The following PSMD3 variants were observed in gnomAD, a reference collection of about 807,000 sequenced individuals.
PSMD3 encodes the protein 26S proteasome non-ATPase regulatory subunit 3.
A neutral mutation model predicts 62.8 loss-of-function variants in PSMD3; 5 were observed. The ratio of observed to expected loss-of-function variants is 0.08; its 90% CI spans 0.04 to 0.17. The LOEUF (loss-of-function observed/expected upper bound fraction) is 0.17, where lower values mean the gene tolerates loss of function less well. PSMD3 is among the 10% of genes least tolerant of loss of function. PSMD3 has a pLI of 1.00. For missense variants in PSMD3, 524 were observed against 713.6 expected, an observed-to-expected ratio of 0.73 and a Z score of 3.03; for synonymous variants, 265 against 283.9, an observed-to-expected ratio of 0.93 and a Z score of 0.67.
intron 1 of PSMD3, 120 bp downstream of exon 1, chr17:39,981,310 C>T (rs1295472821): frequency 3.4e-6 from 5 of 1,461,694 alleles, no homozygotes; most frequent in Non-Finnish European, 1.8e-6. Context: ...GGATCACCCC[C>T]AGATACCTGC....
chr17:39,981,187 G>A lies in PSMD3; in HGVS notation c.217G>A (p.Glu73Lys). 2 of 1,550,504 alleles carry A rather than the reference G, an allele frequency of 1.3e-6. No individual in the cohort carries two copies. The highest frequency in any genetic ancestry group is 1.7e-6 in the Non-Finnish European group (2 of 1,146,772). The stretch of plus-strand genomic sequence containing the variant: ...GCGAGAGCTGGACACAGTCACCTTG[G>A]AGGGTACGGCAGCCCAGGCCGGGAA... ...SQRELDTVTL[E>K]DIKEHVKQLE... The change falls in exon 1 of 12, where the codon GAG becomes AAG. Residue 73 changes from glutamate (E) to lysine (K), a missense_variant. Around this residue, in one of 4 missense-constraint regions of PSMD3, gnomAD observed 396 missense variants for 475.8 expected, o/e 0.83. Transcript: ENST00000264639.
At chr17:39,988,290 A>G (rs1206226134) in intron 3 of PSMD3, among the ~76,000 whole-genome samples, 4 of 152,008 alleles carry the variant, frequency 2.6e-5, no homozygotes, top group African/African-American at 9.7e-5. Flanking sequence ...TCTATTGAGG[A>G]TTTACTTACT....
At position 39,983,962 on chromosome 17, in the gene PSMD3, G is replaced by A. The variant is rs112118774; in HGVS notation, c.221-332G>A. ...CGCCTATAATCCCAGCACTTTGGGA[G>A]GCCAAGGCGGGCAGATCACGAGGTC... On this transcript the variant is annotated intron_variant, in intron 1 of 11. Coordinates refer to ENST00000264639, the MANE Select transcript of PSMD3 (RefSeq NM_002809.4). 5.0e-3 allele frequency among the ~76,000 whole-genome samples: 763 copies of A among 152,140 alleles called. 6 individuals are homozygous for A. The highest frequency in any genetic ancestry group is 0.017 in the African/African-American group (716 of 41,506).
At chr17:39,994,189 A>T (rs1269322106) in intron 6 of PSMD3, 1 of 152,272 alleles carries the variant, frequency 6.6e-6, no homozygotes, top group African/African-American at 2.4e-5. Context: ...TGGAGGGTGA[A>T]GGGTCTGCCT....
chr17:39,988,625 C>T, intron 3 of PSMD3, 58 bp from the exon 4 acceptor site: 1 of 1,590,802 alleles, frequency 6.3e-7, no homozygotes, highest in Non-Finnish European at 8.6e-7. Context: ...CAAATGACAA[C>T]TCCATGTTTA....
chr17:39,991,145 TTTTG>T (rs2144813327), intron 6 of PSMD3, among the ~76,000 whole-genome samples: 2 of 152,056 alleles, frequency 1.3e-5, no homozygotes, highest in East Asian at 3.9e-4. Flanking sequence ...CAACTAATTT[TTTTG>T]TTTGTTTTTT....
In PSMD3 at chr17:39,981,200, C is replaced by T. The variant is rs369752470; in HGVS notation, c.220+10C>T. 4 of 1,549,644 alleles carry T rather than the reference C, an allele frequency of 2.6e-6. No individual in the cohort carries two copies. Among genetic ancestry groups the T allele is most frequent in the African/African-American group, 2.7e-5 (2 of 72,940 alleles). On this transcript the variant is annotated intron_variant, in intron 1 of 11. Coordinates refer to ENST00000264639, the MANE Select transcript of PSMD3 (RefSeq NM_002809.4). Reference sequence around the variant, plus strand: ...ACAGTCACCTTGGAGGGTACGGCAGCCCAGGCCGGGAACGTGCCGCGATCG... The same window carrying T: ...ACAGTCACCTTGGAGGGTACGGCAGTCCAGGCCGGGAACGTGCCGCGATCG...
intron 1 of PSMD3, 23 bp from the exon 2 acceptor site, chr17:39,984,271 T>C (rs3816471): frequency 0.92 from 1,455,283 of 1,588,114 alleles, 667,849 homozygotes; most frequent in Middle Eastern, 0.95. Context: ...AGTGACATCA[T>C]TTTCTTCTCT....
rs1365326735 is a variant in PSMD3, at chr17:39,980,877, G to C, written c.-94G>C. The C allele has an allele frequency of 2.6e-6, 3 of 1,139,536 alleles. No individual in the cohort carries two copies. Among genetic ancestry groups the C allele is most frequent in the East Asian group, 2.8e-5 (1 of 35,568 alleles). 70.6% of individuals were successfully genotyped at this position (1,139,536 alleles called of 1,614,324 possible). A position where few individuals can be genotyped will look rare whatever the true frequency, so the allele number is the denominator to read the frequency against. ...TGCGGCCCGACGCTATCTCGCGCTCGTGTGCAGGCCCGGCTCGGCTCCTGG... is the reference window on the plus strand; with the variant it reads ...TGCGGCCCGACGCTATCTCGCGCTCCTGTGCAGGCCCGGCTCGGCTCCTGG... On this transcript the variant is annotated 5_prime_UTR_variant, in exon 1 of 12. Transcript: ENST00000264639.
Position 39,995,939 on chromosome 17 carries a change from C to T in PSMD3, c.1321-244C>T, listed in dbSNP as rs550871161. On this transcript the variant is annotated intron_variant, in intron 9 of 11. Coordinates refer to ENST00000264639, the MANE Select transcript of PSMD3 (RefSeq NM_002809.4). The surrounding 1 kb of genome is among the most constrained non-coding windows in gnomAD (Gnocchi z 4.1). ...TTTGAGACAAGCCTGGCCAACTTGGCGAAACCCCATCTCTACTGAAAATAC... is the reference window on the plus strand; with the variant it reads ...TTTGAGACAAGCCTGGCCAACTTGGTGAAACCCCATCTCTACTGAAAATAC... 4.7e-5 allele frequency: 24 copies of T among 512,356 alleles called. No individual in the cohort carries two copies. Among genetic ancestry groups the T allele is most frequent in the Non-Finnish European group, 7.3e-5 (21 of 286,414 alleles). 31.7% of individuals were successfully genotyped at this position (512,356 alleles called of 1,614,324 possible).
At chr17:39,983,115 C>T (rs1406422142) in intron 1 of PSMD3, among the ~76,000 whole-genome samples, 3 of 152,032 alleles carry the variant, frequency 2.0e-5, no homozygotes, top group Non-Finnish European at 2.9e-5. Context: ...TCACTGCAAC[C>T]TCTGCCTCCC....
chr17:39,993,753 G>A (rs1679479584), intron 6 of PSMD3: 1 of 152,266 alleles, frequency 6.6e-6, no homozygotes, highest in Admixed American at 6.5e-5. Context: ...TCCCTTGCCT[G>A]GGAAGCTTCC....
Position 39,996,807 on chromosome 17 carries a change from C to G in PSMD3, c.1476+469C>G. 1 of 463,534 alleles carries G rather than the reference C, an allele frequency of 2.2e-6. No homozygotes were observed. The highest frequency in any genetic ancestry group is 1.5e-5 in the South Asian group (1 of 64,586). 28.7% of individuals were successfully genotyped at this position (463,534 alleles called of 1,614,324 possible). On this transcript the variant is annotated intron_variant, in intron 10 of 11. Coordinates refer to ENST00000264639, the MANE Select transcript of PSMD3 (RefSeq NM_002809.4). This position sits in a 1 kb window ranked among gnomAD's most constrained non-coding sequence, Gnocchi z 5.1. Reference sequence around the variant, plus strand: ...CTCCACAAAAGGGTGAGCCCTTATCCTCAGTTAAGCACTGAGTTTGGCGCT... The same window carrying G: ...CTCCACAAAAGGGTGAGCCCTTATCGTCAGTTAAGCACTGAGTTTGGCGCT...
rs1226559137 is a variant in PSMD3 at position 39,981,126 on chromosome 17, C to T, written c.156C>T (p.Asp52=). ...ATGGGSTGEA[D]GKTAAAAAEH... ...GTGGCGGGTCGACGGGGGAGGCAGA[C>T]GGCAAGACGGCGGCGGCAGCGGCTG... The change falls in exon 1 of 12, where the codon GAC becomes GAT. Residue 52 remains aspartate, a synonymous_variant. Coordinates refer to ENST00000264639, the MANE Select transcript of PSMD3 (RefSeq NM_002809.4). 6.4e-7 allele frequency: 1 copy of T among 1,550,524 alleles called. No homozygotes were observed. Among genetic ancestry groups the T allele is most frequent in the South Asian group, 1.2e-5 (1 of 84,040 alleles).
chr17:39,996,138 A>G lies in PSMD3; in HGVS notation c.1321-45A>G, dbSNP rs763336100. 1.9e-6 allele frequency: 3 copies of G among 1,591,666 alleles called. No homozygotes were observed. The South Asian group carries it at 3.4e-5, about 18-fold the overall frequency. ...TCCATCTCAAAAAAAAAAAAAAAGAAGAAGCTGGGTGTGCTGGTGAACTTT... is the reference window on the plus strand; with the variant it reads ...TCCATCTCAAAAAAAAAAAAAAAGAGGAAGCTGGGTGTGCTGGTGAACTTT... On this transcript the variant is annotated intron_variant, in intron 9 of 11. Coordinates refer to ENST00000264639, the MANE Select transcript of PSMD3 (RefSeq NM_002809.4). This position sits in a 1 kb window ranked among gnomAD's most constrained non-coding sequence, Gnocchi z 5.1.
intron 2 of PSMD3, among the ~76,000 whole-genome samples, chr17:39,984,833 G>C (rs1980483187): frequency 6.6e-6 from 1 of 152,168 alleles, no homozygotes; most frequent in African/African-American, 2.4e-5. Context: ...CCATGGAGGA[G>C]GTAGAGAACA....
At chr17:39,987,110 T>G (rs535986262) in intron 3 of PSMD3, among the ~76,000 whole-genome samples, 12 of 152,340 alleles carry the variant, frequency 7.9e-5, no homozygotes, top group Non-Finnish European at 1.8e-4. Context: ...ATAAAATAAT[T>G]TGTTTAGAAA....
intron 6 of PSMD3, among the ~76,000 whole-genome samples, chr17:39,991,657 A>C (rs912683242): frequency 3.9e-5 from 6 of 152,172 alleles, no homozygotes; most frequent in Admixed American, 2.6e-4. Context: ...TGATTAGGTC[A>C]ATGTAGTAGG....
At chr17:39,986,906 C>G (rs1980539327) in intron 3 of PSMD3, among the ~76,000 whole-genome samples, 194 bp downstream of exon 3, 2 of 152,192 alleles carry the variant, frequency 1.3e-5, no homozygotes, top group Admixed American at 1.3e-4. Context: ...CACTGTGGGA[C>G]AGGGCTTGCA....
Sources: allele counts gnomAD v4.1 joint callset (sites outside exome capture counted in the v4.1 genomes callset), GRCh38; gene constraint gnomAD v4.1.1; regional missense constraint gnomAD v4.1.1; non-coding constraint Gnocchi (gnomAD v3.1); transcripts MANE v1.5; gene names NCBI Gene and HGNC (gene_info 2026-07-23, HGNC 2026-07-21).